Variants in HTR2C observed in about 807,000 individuals in gnomAD.
HTR2C encodes 5-hydroxytryptamine receptor 2C.
Under a neutral mutation model 21.0 loss-of-function variants are expected in HTR2C, and 5 were observed. The observed-to-expected ratio is 0.24, with a 90% CI of 0.12 to 0.50. The LOEUF is 0.50. Among genes scored for constraint, HTR2C ranks in the 20% least tolerant of loss-of-function variants. The probability of loss-of-function intolerance (pLI) is 0.98; values close to 1 mark genes in which losing one functional copy is unlikely to be tolerated. For synonymous variants in HTR2C, 150 were observed against 145.3 expected (o/e 1.03, Z -0.23); for missense variants, 271 against 371.2 (o/e 0.73, Z 2.22).
intron 4 of HTR2C, among the ~76,000 whole-genome samples, chrX:114,773,251 T>G (rs1455947797): frequency 3.6e-5 from 4 of 111,626 alleles, no homozygotes; most frequent in African/African-American, 1.3e-4. Flanking sequence ...AAACACAGTA[T>G]TAATAAGATA....
intron 5 of HTR2C, among the ~76,000 whole-genome samples, chrX:114,858,213 A>G (rs1201912425): frequency 3.6e-5 from 4 of 110,923 alleles, no homozygotes; most frequent in African/African-American, 1.3e-4. Context: ...TAAAACTAAA[A>G]TTAGCTTGTC....
At chrX:114,846,356 A>G (rs1556467471) in intron 4 of HTR2C, among the ~76,000 whole-genome samples, 2 of 112,114 alleles carry the variant, frequency 1.8e-5, no homozygotes. Context: ...AAAGCCAGCT[A>G]AAGACATTAC....
At chrX:114,901,991 C>T (rs782718433) in intron 5 of HTR2C, among the ~76,000 whole-genome samples, 121 of 111,132 alleles carry the variant, frequency 1.1e-3, no homozygotes, top group African/African-American at 3.7e-3. Flanking sequence ...TTAGTGACAC[C>T]TGATATTTTC....
intron 4 of HTR2C, among the ~76,000 whole-genome samples, chrX:114,823,228 A>G (rs2070650321): frequency 9.0e-6 from 1 of 111,723 alleles, no homozygotes; most frequent in South Asian, 3.8e-4. Context: ...TTGGTGGGAA[A>G]TGATATTTTT....
chrX:114,885,057 G>T (rs2071210413), intron 5 of HTR2C, among the ~76,000 whole-genome samples: 1 of 110,502 alleles, frequency 9.0e-6, no homozygotes, highest in Non-Finnish European at 1.9e-5. Flanking sequence ...AGAAGATCAG[G>T]AAAAATAACT....
intron 4 of HTR2C, among the ~76,000 whole-genome samples, chrX:114,739,283 ATAT>A (rs2069621483): frequency 8.9e-6 from 1 of 111,882 alleles, no homozygotes; most frequent in Non-Finnish European, 1.9e-5. Context: ...TTTGCTGTAG[ATAT>A]TAGTCAATGC....
chrX:114,874,384 A>G (rs1210976684), intron 5 of HTR2C, among the ~76,000 whole-genome samples: 1 of 111,807 alleles, frequency 8.9e-6, no homozygotes, highest in Non-Finnish European at 1.9e-5. Context: ...TGGTTACACT[A>G]ATTTACATTC....
At chrX:114,726,098 G>T (rs1340046033) in intron 2 of HTR2C, among the ~76,000 whole-genome samples, 3 of 112,182 alleles carry the variant, frequency 2.7e-5, no homozygotes, top group Non-Finnish European at 3.8e-5. Context: ...GCAATGGCGG[G>T]CGCCCCTCCC....
intron 2 of HTR2C, among the ~76,000 whole-genome samples, 166 bp from the exon 3 acceptor site, chrX:114,726,691 CT>C (rs1378209113): frequency 8.9e-6 from 1 of 112,239 alleles, no homozygotes; most frequent in African/African-American, 3.2e-5. Flanking sequence ...AAAATCTGCT[CT>C]CTTTGCCATA....
chrX:114,620,071 C>A (rs782067439), intron 2 of HTR2C, among the ~76,000 whole-genome samples: 1 of 111,526 alleles, frequency 9.0e-6, no homozygotes, highest in Non-Finnish European at 1.9e-5. Context: ...TTCTACCTTC[C>A]CCCAAGTGGC....
At chrX:114,707,402 AAAAT>A (rs201415665) in intron 2 of HTR2C, among the ~76,000 whole-genome samples, 1,225 of 110,889 alleles carry the variant, frequency 0.011, 13 homozygotes, top group African/African-American at 0.038. Flanking sequence ...GCCTTTCTCA[AAAAT>A]AAATAAATAA....
Position 114,906,827 on chromosome X carries a change from C to T in HTR2C, c.789C>T (p.Phe263=). Residue 263 remains phenylalanine (F), a synonymous_variant, in exon 6 of 6, where the codon TTC becomes TTT. Transcript: ENST00000276198. Reference sequence around the variant, plus strand: ...AACCGCCTGGACTAAGTCTGGATTTCCTGAAGTGCTGCAAGAGGAATACGG... The same window carrying T: ...AACCGCCTGGACTAAGTCTGGATTTTCTGAAGTGCTGCAAGAGGAATACGG... ...TEEPPGLSLD[F]LKCCKRNTAE... 1 of 1,210,836 alleles carries T rather than the reference C, an allele frequency of 8.3e-7. No individual in the cohort carries two copies. Among genetic ancestry groups the T allele is most frequent in the South Asian group, 1.8e-5 (1 of 56,860 alleles).
chrX:114,597,890 T>G (rs1927928263), intron 1 of HTR2C, among the ~76,000 whole-genome samples: 1 of 112,115 alleles, frequency 8.9e-6, no homozygotes. Context: ...TATTTAAGAT[T>G]GATATTTACC....
chrX:114,843,941 T>C (rs1175518127), intron 4 of HTR2C, among the ~76,000 whole-genome samples: 1 of 109,270 alleles, frequency 9.2e-6, no homozygotes, highest in Non-Finnish European at 1.9e-5. Context: ...AAACAAAAAA[T>C]CAGAAGGAGT....
intron 4 of HTR2C, among the ~76,000 whole-genome samples, chrX:114,761,887 A>G (rs991256552): frequency 4.7e-5 from 5 of 107,122 alleles, no homozygotes; most frequent in South Asian, 3.5e-4. Flanking sequence ...ATATATATAT[A>G]TGTGTATATA....
intron 4 of HTR2C, among the ~76,000 whole-genome samples, chrX:114,770,815 T>TTTC (rs2069994022): frequency 9.8e-6 from 1 of 102,344 alleles, no homozygotes; most frequent in Admixed American, 1.1e-4. Context: ...TTTTTTTTTT[T>TTTC]TTTTGAGGTA....
chrX:114,729,248 C>CT (rs1382675671), intron 3 of HTR2C, among the ~76,000 whole-genome samples: 1 of 111,939 alleles, frequency 8.9e-6, no homozygotes, highest in Non-Finnish European at 1.9e-5. Flanking sequence ...ACATAAAATG[C>CT]TTTTGTTTAA....
At chrX:114,642,741 G>T (rs1930184758) in intron 2 of HTR2C, among the ~76,000 whole-genome samples, 3 of 111,474 alleles carry the variant, frequency 2.7e-5, no homozygotes. Flanking sequence ...TTCTGAGTTT[G>T]TTTAGAAAAA....
chrX:114,818,764 G>T (rs1334444143), intron 4 of HTR2C, among the ~76,000 whole-genome samples: 1 of 111,689 alleles, frequency 9.0e-6, no homozygotes, highest in East Asian at 2.8e-4. Flanking sequence ...ATTTCATCCT[G>T]CAATAGTAGA....
Sources: allele counts gnomAD v4.1 joint callset (sites outside exome capture counted in the v4.1 genomes callset), GRCh38; gene constraint gnomAD v4.1.1; transcripts MANE v1.5; gene names NCBI Gene and HGNC (gene_info 2026-07-23, HGNC 2026-07-21).